Variants in CCNH observed in about 807,000 individuals in gnomAD.
CCNH encodes cyclin-H.
Under a neutral mutation model 41.9 loss-of-function variants are expected in CCNH, and 31 were observed. That is an observed-to-expected ratio of 0.74 (90% CI 0.56 to 1.00). The LOEUF is 1.00. Among genes scored for constraint, CCNH ranks in the 50% least tolerant of loss-of-function variants. The probability of loss-of-function intolerance (pLI) is 0.00; values close to 1 mark genes in which losing one functional copy is unlikely to be tolerated. For missense variants in CCNH, 362 were observed against 388.4 expected (o/e 0.93, Z 0.57); for synonymous variants, 138 against 136.1 (o/e 1.01, Z -0.10).
chr5:87,405,078 A>G (rs1763693487), intron 4 of CCNH, 71 bp from the exon 5 acceptor site: 2 of 1,045,564 alleles, frequency 1.9e-6, no homozygotes, highest in African/African-American at 3.2e-5. Flanking sequence ...TTTAAAAATT[A>G]CACAACTCCT....
upstream of CCNH, chr5:87,378,575 G>T (rs761577815): frequency 3.2e-6 from 5 of 1,558,288 alleles, no homozygotes; most frequent in Non-Finnish European, 4.4e-6. Context: ...TTTTTGCAAA[G>T]AACATATTTT....
intron 9 of CCNH, among the ~76,000 whole-genome samples, chr5:87,346,146 C>T (rs1435376953): frequency 6.6e-6 from 1 of 152,020 alleles, no homozygotes; most frequent in African/African-American, 2.4e-5. Flanking sequence ...GTTGAGAACA[C>T]TAAGTCCTTC....
chr5:87,406,747 T>C (rs1207479352), intron 4 of CCNH, among the ~76,000 whole-genome samples: 1 of 152,170 alleles, frequency 6.6e-6, no homozygotes, highest in East Asian at 1.9e-4. Context: ...ATCCACAACC[T>C]TCATACGAGT....
In CCNH at chr5:87,337,960, A is replaced by G. The variant is rs1212700036; in HGVS notation, c.*91-19063T>C. On this transcript the variant is annotated intron_variant and NMD_transcript_variant, in intron 9 of 9. Transcript: ENST00000645953. Reference sequence around the variant, plus strand: ...AATTTTTAAATTTAATAACTTTAAAATTGCTATTTTCAGTTTCTTAAAAGG... The same window carrying G: ...AATTTTTAAATTTAATAACTTTAAAGTTGCTATTTTCAGTTTCTTAAAAGG... 3 of 1,600,622 alleles carry G rather than the reference A, an allele frequency of 1.9e-6. No individual in the cohort carries two copies. Among genetic ancestry groups the G allele is most frequent in the African/African-American group, 1.3e-5 (1 of 74,400 alleles).
chr5:87,311,864 A>G, the CCNH span, among the ~76,000 whole-genome samples: 2 of 152,256 alleles, frequency 1.3e-5, no homozygotes, highest in Non-Finnish European at 2.9e-5. Flanking sequence ...GAAGGCTTTC[A>G]GTAAACAAAG....
chr5:87,349,299 T>G (rs1345859055), intron 9 of CCNH: 1 of 1,612,264 alleles, frequency 6.2e-7, no homozygotes, highest in Non-Finnish European at 8.5e-7. Context: ...ATGAAAATAT[T>G]CAGCGATTTA....
At chr5:87,399,337 AC>A in intron 7 of CCNH, 56 bp downstream of exon 7, 1 of 1,253,102 alleles carries the variant, frequency 8.0e-7, no homozygotes, top group Admixed American at 1.7e-5. Context: ...TGATTTACGA[AC>A]CAGCTGGACT....
chr5:87,351,650 T>C (rs137857752), intron 9 of CCNH, among the ~76,000 whole-genome samples: 120 of 151,858 alleles, frequency 7.9e-4, no homozygotes, highest in Admixed American at 1.2e-3. Context: ...CTGGAACTTA[T>C]ATGAATGTCT....
upstream of CCNH, chr5:87,378,313 TA>T: frequency 6.7e-7 from 1 of 1,498,042 alleles, no homozygotes; most frequent in Non-Finnish European, 9.3e-7. Flanking sequence ...CCTGTTGAGG[TA>T]AAATGAATTC....
At chr5:87,339,391 C>T (rs1758275497) in intron 9 of CCNH, among the ~76,000 whole-genome samples, 2 of 152,080 alleles carry the variant, frequency 1.3e-5, no homozygotes, top group Admixed American at 1.3e-4. Context: ...ATATTTACTC[C>T]ATATAGGCAA....
At chr5:87,339,374 A>G (rs1310502525) in intron 9 of CCNH, among the ~76,000 whole-genome samples, 6 of 152,232 alleles carry the variant, frequency 3.9e-5, no homozygotes, top group African/African-American at 1.2e-4. Context: ...ATTCTACAGT[A>G]AAAGAGATAT....
At chr5:87,407,081 C>T (rs945403851) in intron 4 of CCNH, among the ~76,000 whole-genome samples, 4 of 152,116 alleles carry the variant, frequency 2.6e-5, no homozygotes, top group South Asian at 2.1e-4. Context: ...CTCTTCAGCA[C>T]GGAATGGTTT....
chr5:87,350,506 A>T (rs1325076487), intron 9 of CCNH, among the ~76,000 whole-genome samples: 1 of 151,742 alleles, frequency 6.6e-6, no homozygotes, highest in African/African-American at 2.4e-5. Flanking sequence ...ACATGAATTT[A>T]TTTTTTTGAA....
At chr5:87,370,836 C>T (rs1327760453) in intron 9 of CCNH, among the ~76,000 whole-genome samples, 5 of 152,066 alleles carry the variant, frequency 3.3e-5, no homozygotes, top group Non-Finnish European at 7.4e-5. Flanking sequence ...GAGGAAGATG[C>T]TCTTAAAACT....
downstream of CCNH, chr5:87,391,298 A>T: frequency 2.8e-6 from 1 of 360,706 alleles, no homozygotes; most frequent in East Asian, 4.4e-5. Context: ...AATTGTGTAT[A>T]ACTGGATTGC....
chr5:87,391,164 A>ATGACTGTATC (rs1460907514), downstream of CCNH: 2 of 549,714 alleles, frequency 3.6e-6, no homozygotes, highest in Non-Finnish European at 6.5e-6. Context: ...ACGAAATGCT[A>ATGACTGTATC]TGACTGTATC....
chr5:87,412,693 G>A lies in CCNH; in HGVS notation c.102C>T (p.Ala34=). Reference sequence around the variant, plus strand: ...AAAACCTCACCTTCCCGTTGGCCACGGCTTTGCATCTGAATTTGCGGTTGG... The same window carrying A: ...AAAACCTCACCTTCCCGTTGGCCACAGCTTTGCATCTGAATTTGCGGTTGG... ...ADANRKFRCK[A]VANGKVLPND... Residue 34 remains alanine (A), a synonymous_variant, in exon 1 of 9, where the codon GCC becomes GCT. Coordinates refer to ENST00000256897, the MANE Select transcript of CCNH (RefSeq NM_001239.4). 2 of 1,614,116 alleles carry A rather than the reference G, an allele frequency of 1.2e-6. No homozygotes were observed. Among genetic ancestry groups the A allele is most frequent in the South Asian group, 1.1e-5 (1 of 91,068 alleles).
At chr5:87,335,614 T>C (rs1757918828) in intron 9 of CCNH, among the ~76,000 whole-genome samples, 1 of 151,666 alleles carries the variant, frequency 6.6e-6, no homozygotes, top group East Asian at 2.0e-4. Context: ...TTAGTAGAGA[T>C]GGGGTTTCAC....
rs368416407 is a variant in CCNH, at chr5:87,363,487, T to C, written c.*90+29283A>G. The C allele has an allele frequency of 4.7e-5, 76 of 1,612,114 alleles. No individual in the cohort carries two copies. Among genetic ancestry groups the C allele is most frequent in the Non-Finnish European group, 6.1e-5 (72 of 1,178,584 alleles). ...GTGTATGTTCTGTCTATGTCGTTCA[T>C]GATAGTCTCTTTGGCAGGTAAGAGA... is the stretch of plus-strand genomic sequence containing the variant. On this transcript the variant is annotated intron_variant and NMD_transcript_variant, in intron 9 of 9. Coordinates refer to the CCNH transcript ENST00000645953.
Sources: gnomAD v4.1 joint callset for allele counts (sites outside exome capture counted in the v4.1 genomes callset) on GRCh38, gnomAD v4.1.1 for gene constraint, MANE v1.5 for transcripts, NCBI Gene and HGNC (gene_info 2026-07-23, HGNC 2026-07-21) for gene names.